TNFRSF8: variants seen among roughly 807,000 people sequenced by gnomAD.
The protein encoded by TNFRSF8 is tumor necrosis factor receptor superfamily member 8.
TNFRSF8 carries 26 observed loss-of-function variants against 70.8 expected under a neutral mutation model. The observed-to-expected ratio is 0.37, with a 90% CI of 0.27 to 0.51. The LOEUF is 0.51. Among genes scored for constraint, TNFRSF8 ranks in the 20% least tolerant of loss-of-function variants. TNFRSF8 has a pLI of 0.94. For missense variants in TNFRSF8, 720 were observed against 807.9 expected (o/e 0.89, Z 1.32); for synonymous variants, 356 against 339.2 (o/e 1.05, Z -0.54).
At position 12,126,898 on chromosome 1, in the gene TNFRSF8, C is replaced by T. The variant is rs572584057; in HGVS notation, c.1309+662C>T. Among the ~76,000 whole-genome samples the T allele has an allele frequency of 2.9e-4, 44 of 152,364 alleles. No homozygotes were observed. The Middle Eastern group carries it at 0.01, about 35-fold the overall frequency. On this transcript the variant is annotated intron_variant, in intron 12 of 14. Coordinates refer to ENST00000263932, the MANE Select transcript of TNFRSF8 (RefSeq NM_001243.5). ...GCAATCGGTGGCTGCTGCCTATTGA[C>T]AGGCTGGCCTGTGCCTGGGGCTTTT...
intron 1 of TNFRSF8, among the ~76,000 whole-genome samples, chr1:12,077,600 G>T (rs1000339314): frequency 1.3e-5 from 2 of 152,182 alleles, no homozygotes; most frequent in Admixed American, 6.5e-5. Flanking sequence ...TAAAGCTTCC[G>T]CTAGGCACAC....
intron 1 of TNFRSF8, chr1:12,080,637 A>G (rs1346132082): frequency 7.6e-6 from 2 of 263,864 alleles, no homozygotes; most frequent in African/African-American, 2.3e-5. Flanking sequence ...GGCTCACTGC[A>G]GCCTCCACCT....
chr1:12,109,761 C>A lies in TNFRSF8; in HGVS notation c.512+105C>A. Reference sequence around the variant, plus strand: ...GGTACAACTGGGCTGGGGGTGTAAGCGGGATTCAGCCCATGGTGTCAGCAC... The same window carrying A: ...GGTACAACTGGGCTGGGGGTGTAAGAGGGATTCAGCCCATGGTGTCAGCAC... On this transcript the variant is annotated intron_variant, in intron 5 of 14. Transcript: ENST00000263932. This position sits in a 1 kb window ranked among gnomAD's most constrained non-coding sequence, Gnocchi z 4.4. 9.8e-6 allele frequency: 10 copies of A among 1,021,992 alleles called. No individual in the cohort carries two copies. The South Asian group carries it at 1.4e-4, about 15-fold the overall frequency. The allele number at this position is 1,021,992 out of a possible 1,614,324, so 63.3% of individuals were successfully genotyped here.
intron 12 of TNFRSF8, among the ~76,000 whole-genome samples, chr1:12,129,449 T>A (rs1390011520): frequency 1.3e-5 from 2 of 152,234 alleles, no homozygotes; most frequent in East Asian, 3.8e-4. Flanking sequence ...TGTTGAAGTT[T>A]CTTTATTTGT....
chr1:12,076,315 G>A (rs1434587714), intron 1 of TNFRSF8, among the ~76,000 whole-genome samples: 2 of 152,030 alleles, frequency 1.3e-5, no homozygotes, highest in Non-Finnish European at 2.9e-5. Context: ...GGTCAGGCTG[G>A]TCTCAAACTC....
At chr1:12,074,442 G>A (rs1321790043) in intron 1 of TNFRSF8, among the ~76,000 whole-genome samples, 1 of 152,004 alleles carries the variant, frequency 6.6e-6, no homozygotes, top group African/African-American at 2.4e-5. Flanking sequence ...ACTACGCTAG[G>A]CTAATTTTTG....
chr1:12,136,769 C>A (rs915292215), intron 13 of TNFRSF8, among the ~76,000 whole-genome samples: 1 of 151,694 alleles, frequency 6.6e-6, no homozygotes, highest in Non-Finnish European at 1.5e-5. Flanking sequence ...CTGGTTTAAC[C>A]CTTCTGATAG....
intron 1 of TNFRSF8, among the ~76,000 whole-genome samples, chr1:12,082,055 C>T (rs1296567705): frequency 6.6e-6 from 1 of 152,122 alleles, no homozygotes; most frequent in African/African-American, 2.4e-5. Context: ...CCTTCTTTTC[C>T]CTTTTGCTCC....
At chr1:12,123,607 AG>A in intron 9 of TNFRSF8, 107 bp from the exon 10 acceptor site, 1 of 1,053,928 alleles carries the variant, frequency 9.5e-7, no homozygotes, top group Non-Finnish European at 1.4e-6. Flanking sequence ...CAGAGGATCT[AG>A]GGGCCCAGGC....
At position 12,085,406 on chromosome 1, in the gene TNFRSF8, G is replaced by A. The variant is rs530933057; in HGVS notation, c.151+855G>A. ...ATTACAGGCATGAACCAACGTGCCC[G>A]GCCTAATTTTTTTATATTAATTTAA... On this transcript the variant is annotated intron_variant, in intron 2 of 14. Coordinates refer to ENST00000263932, the MANE Select transcript of TNFRSF8 (RefSeq NM_001243.5). Among the ~76,000 whole-genome samples the A allele has an allele frequency of 5.3e-5, 8 of 152,132 alleles. No individual in the cohort carries two copies. In the South Asian group the frequency reaches 1.0e-3, roughly 20 times the overall value.
At position 12,088,866 on chromosome 1, in the gene TNFRSF8, G is replaced by A. The variant is rs1641198513; in HGVS notation, c.151+4315G>A. 1.3e-5 allele frequency among the ~76,000 whole-genome samples: 2 copies of A among 152,306 alleles called. No homozygotes were observed. The highest frequency in any genetic ancestry group is 4.1e-4 in the South Asian group (2 of 4,832). On this transcript the variant is annotated intron_variant, in intron 2 of 14. Transcript: ENST00000263932. The surrounding 1 kb of genome is among the most constrained non-coding windows in gnomAD (Gnocchi z 4.0). ...ACGCCCATTTGGCATGACAGCTGCT[G>A]CCCCTGCCGCCTCCCCCTCCCCCGC...
At position 12,126,210 on chromosome 1, in the gene TNFRSF8, C is replaced by T; in HGVS notation, c.1283C>T (p.Thr428Ile). 4 of 1,614,178 alleles carry T rather than the reference C, an allele frequency of 2.5e-6. 1 individual carries two copies. Among genetic ancestry groups the T allele is most frequent in the East Asian group, 4.5e-5 (2 of 44,874 alleles). ...QKLHLCYPVQ[T>I]SQPKLELVDS... is the part of the protein sequence containing the mutation. Reference sequence around the variant, plus strand: ...CTCCACCTGTGCTACCCGGTCCAGACCTCCCAGCCCAAGCTAGAGCTTGTG... The same window carrying T: ...CTCCACCTGTGCTACCCGGTCCAGATCTCCCAGCCCAAGCTAGAGCTTGTG... Residue 428 changes from threonine (T) to isoleucine (I), a missense_variant, in exon 12 of 15, where the codon ACC (threonine) becomes ATC (isoleucine). Thr to Ile is a moderately conservative substitution (Grantham distance 89). Coordinates refer to ENST00000263932, the MANE Select transcript of TNFRSF8 (RefSeq NM_001243.5).
Position 12,126,043 on chromosome 1 carries a change from A to G in TNFRSF8, c.1246A>G (p.Ile416Val). The change falls in exon 11 of 15, where the codon ATT (isoleucine) becomes GTT (valine). Residue 416 changes from isoleucine to valine, a missense_variant. Physicochemically the swap from Ile to Val is conservative, Grantham distance 29. Coordinates refer to ENST00000263932, the MANE Select transcript of TNFRSF8 (RefSeq NM_001243.5). ...LCHRRACRKR[I>V]RQKLHLCYPV... ...CCACCGGAGGGCCTGCAGGAAGCGA[A>G]TTCGGCAGAGTAAGTGGCTGTGTCC... The G allele has an allele frequency of 6.2e-7, 1 of 1,614,126 alleles. No individual in the cohort carries two copies. The highest frequency in any genetic ancestry group is 8.5e-7 in the Non-Finnish European group (1 of 1,180,004).
chr1:12,105,318 G>A (rs1354884337), intron 4 of TNFRSF8, among the ~76,000 whole-genome samples: 1 of 152,102 alleles, frequency 6.6e-6, no homozygotes, highest in East Asian at 1.9e-4. Context: ...GTGCAAACCT[G>A]GGGATTGGCA....
chr1:12,107,684 T>G (rs1327958785), intron 4 of TNFRSF8, among the ~76,000 whole-genome samples: 1 of 145,942 alleles, frequency 6.9e-6, no homozygotes, highest in African/African-American at 2.6e-5. Flanking sequence ...TTAGAAGTGT[T>G]CTAATCTCAG....
At chr1:12,120,320 A>G (rs644914) in intron 8 of TNFRSF8, among the ~76,000 whole-genome samples, 2,140 of 152,318 alleles carry the variant, frequency 0.014, 46 homozygotes, top group African/African-American at 0.049. Flanking sequence ...AGATCAGAGC[A>G]GGAAAATGGA....
Position 12,138,869 on chromosome 1 carries a change from G to A in TNFRSF8, c.1543+433G>A, listed in dbSNP as rs780943521. 2.1e-5 allele frequency among the ~76,000 whole-genome samples: 3 copies of A among 143,580 alleles called. No individual in the cohort carries two copies. Among genetic ancestry groups the A allele is most frequent in the South Asian group, 2.2e-4 (1 of 4,606 alleles). The allele number at this position is 143,580 out of a possible 152,430, so 94.2% of individuals were successfully genotyped here. A position where few individuals can be genotyped will look rare whatever the true frequency, so the allele number is the denominator to read the frequency against. On this transcript the variant is annotated intron_variant, in intron 14 of 14. Coordinates refer to ENST00000263932, the MANE Select transcript of TNFRSF8 (RefSeq NM_001243.5). This position sits in a 1 kb window ranked among gnomAD's most constrained non-coding sequence, Gnocchi z 5.7. ...TCCCCATTTTACAGTTGGGGAGACCGTGGCTCAGAGGGTGAAGTGATTTTC... is the reference window on the plus strand; with the variant it reads ...TCCCCATTTTACAGTTGGGGAGACCATGGCTCAGAGGGTGAAGTGATTTTC...
chr1:12,107,170 G>A (rs1255257741), intron 4 of TNFRSF8, among the ~76,000 whole-genome samples: 2 of 152,190 alleles, frequency 1.3e-5, no homozygotes, highest in East Asian at 1.9e-4. Flanking sequence ...TGAGGCAGGC[G>A]GATCACTTGA....
chr1:12,104,560 A>C lies in TNFRSF8; in HGVS notation c.421+29A>C. On this transcript the variant is annotated intron_variant, in intron 4 of 14. Coordinates refer to ENST00000263932, the MANE Select transcript of TNFRSF8 (RefSeq NM_001243.5). ...AGTGTCCCCACCCTTAACTCAGGACAGAGATCTATGCTGTTGCTGCTGCAC... is the reference window on the plus strand; with the variant it reads ...AGTGTCCCCACCCTTAACTCAGGACCGAGATCTATGCTGTTGCTGCTGCAC... 3 of 1,613,552 alleles carry C rather than the reference A, an allele frequency of 1.9e-6. No homozygotes were observed. In the South Asian group the frequency reaches 3.3e-5, roughly 18 times the overall value.
Sources: allele counts gnomAD v4.1 joint callset (sites outside exome capture counted in the v4.1 genomes callset), GRCh38; gene constraint gnomAD v4.1.1; non-coding constraint Gnocchi (gnomAD v3.1); transcripts MANE v1.5; gene names NCBI Gene and HGNC (gene_info 2026-07-23, HGNC 2026-07-21).